Variants in ADAMTS20 observed in about 807,000 individuals in gnomAD.
ADAMTS20 encodes A disintegrin and metalloproteinase with thrombospondin motifs 20.
A neutral mutation model predicts 260.1 loss-of-function variants in ADAMTS20; 225 were observed. That is an observed-to-expected ratio of 0.87 (90% CI 0.78 to 0.97). The LOEUF (loss-of-function observed/expected upper bound fraction) is 0.97. Among genes scored for constraint, ADAMTS20 ranks in the 50% least tolerant of loss-of-function variants. The pLI is 0.00. For missense variants in ADAMTS20, 2,400 were observed against 2,337.7 expected (o/e 1.03, Z -0.55); for synonymous variants, 802 against 769.5 (o/e 1.04, Z -0.70).
chr12:43,537,633 C>T (rs746784430), intron 2 of ADAMTS20, among the ~76,000 whole-genome samples: 6 of 152,052 alleles, frequency 3.9e-5, no homozygotes, highest in African/African-American at 7.2e-5. Flanking sequence ...TTTTTATACT[C>T]ATTAACCATC....
chr12:43,367,320 A>C (rs552436774), intron 37 of ADAMTS20, among the ~76,000 whole-genome samples: 1 of 152,112 alleles, frequency 6.6e-6, no homozygotes, highest in African/African-American at 2.4e-5. Flanking sequence ...CAAATTTAGC[A>C]ATATATGAAA....
chr12:43,392,576 A>G (rs1940618252), intron 29 of ADAMTS20, among the ~76,000 whole-genome samples: 1 of 152,106 alleles, frequency 6.6e-6, no homozygotes, highest in Admixed American at 6.5e-5. Context: ...AAAAGCATAA[A>G]TCAGTATGGT....
intron 2 of ADAMTS20, among the ~76,000 whole-genome samples, chr12:43,548,759 T>C (rs1420428205): frequency 1.3e-5 from 2 of 152,110 alleles, no homozygotes; most frequent in East Asian, 3.9e-4. Flanking sequence ...ATTTCCAATG[T>C]TACTGGAAAA....
intron 2 of ADAMTS20, 97 bp from the exon 3 acceptor site, chr12:43,532,292 C>G (rs1044544577): frequency 2.7e-5 from 29 of 1,077,798 alleles, no homozygotes; most frequent in Non-Finnish European, 3.5e-5. Context: ...AGAAGCAAAA[C>G]AGCAAGGAGT....
intron 11 of ADAMTS20, among the ~76,000 whole-genome samples, chr12:43,456,284 A>G (rs898800988): frequency 6.6e-6 from 1 of 152,214 alleles, no homozygotes; most frequent in South Asian, 2.1e-4. Context: ...CACTACAGAT[A>G]ATTCACAAAG....
chr12:43,488,744 C>A (rs1211323918), intron 7 of ADAMTS20, among the ~76,000 whole-genome samples: 1 of 152,040 alleles, frequency 6.6e-6, no homozygotes, highest in Non-Finnish European at 1.5e-5. Context: ...CCTACTCTTG[C>A]AAATTTACAA....
In ADAMTS20 at chr12:43,454,002, TA is replaced by T; in HGVS notation, c.1664del (p.Val555GlufsTer46). 3 of 1,613,808 alleles carry T rather than the reference TA, an allele frequency of 1.9e-6. No individual in the cohort carries two copies. Among genetic ancestry groups the T allele is most frequent in the Non-Finnish European group, 2.5e-6 (3 of 1,179,804 alleles). On this transcript the variant is annotated frameshift_variant, in exon 12 of 39. Transcript: ENST00000389420. LOFTEE classifies it high-confidence loss of function. Reference sequence around the variant, plus strand: ...GTTCCCATGGTCCCCATTCACCATTTACAGGACGTGTTTCCGTTTCTTTGTT... The same window carrying T: ...GTTCCCATGGTCCCCATTCACCATTTCAGGACGTGTTTCCGTTTCTTTGTT... ...CVNKETETRPVNGEWGPWEPY... is the reference protein window; with the variant it reads ...CVNKETETRPXNGEWGPWEPY...
At chr12:43,506,825 T>G (rs1040068422) in intron 3 of ADAMTS20, among the ~76,000 whole-genome samples, 1 of 151,682 alleles carries the variant, frequency 6.6e-6, no homozygotes, top group African/African-American at 2.4e-5. Context: ...TTTCAAAGAA[T>G]GTTTATAGCA....
intron 26 of ADAMTS20, among the ~76,000 whole-genome samples, chr12:43,427,710 T>C (rs1484665329): frequency 6.6e-6 from 1 of 152,216 alleles, no homozygotes; most frequent in African/African-American, 2.4e-5. Flanking sequence ...GAAACAATTT[T>C]CATTTCTATC....
chr12:43,477,763 T>C (rs1942381910), intron 7 of ADAMTS20, among the ~76,000 whole-genome samples: 2 of 152,148 alleles, frequency 1.3e-5, no homozygotes, highest in African/African-American at 4.8e-5. Context: ...TAAGGATAGA[T>C]GCTATTCTGA....
At chr12:43,521,470 A>C (rs1397206051) in intron 3 of ADAMTS20, among the ~76,000 whole-genome samples, 1 of 152,198 alleles carries the variant, frequency 6.6e-6, no homozygotes, top group Admixed American at 6.5e-5. Flanking sequence ...TGTTTTCAGG[A>C]AATTCTCTTC....
chr12:43,440,066 A>T lies in ADAMTS20; in HGVS notation c.2294T>A (p.Leu765Ter). ...AAGAAAATTCCCTTCAGCGTCAGAT[A>T]ATGCTGTAAAAGAATAAAGCATAAC... ...SGQPDDSYLA[L>*]SDAEGNFLFN... Residue 765 changes from leucine to a stop codon, truncating the protein, a stop_gained, in exon 17 of 39, where the codon TTA (leucine) becomes TAA (stop). Coordinates refer to ENST00000389420, the MANE Select transcript of ADAMTS20 (RefSeq NM_025003.5). LOFTEE classifies it high-confidence loss of function. 1 of 1,551,406 alleles carries T rather than the reference A, an allele frequency of 6.4e-7. No individual in the cohort carries two copies. The highest frequency in any genetic ancestry group is 2.4e-5 in the East Asian group (1 of 41,764).
At chr12:43,468,019 T>C (rs1406646024) in intron 8 of ADAMTS20, among the ~76,000 whole-genome samples, 1 of 152,136 alleles carries the variant, frequency 6.6e-6, no homozygotes, top group Non-Finnish European at 1.5e-5. Flanking sequence ...AAGGGTATCA[T>C]GAGAAATCAC....
chr12:43,449,551 G>A lies in ADAMTS20; in HGVS notation c.2079+2723C>T, dbSNP rs1234752961. On this transcript the variant is annotated intron_variant, in intron 14 of 38. Coordinates refer to ENST00000389420, the MANE Select transcript of ADAMTS20 (RefSeq NM_025003.5). ...TATTGGATACTAGGCTTAGTATCTG[G>A]ATGATGAAATAATCTGTACAACAAA... is the stretch of plus-strand genomic sequence containing the variant. Among the ~76,000 whole-genome samples, 13 of 152,102 alleles carry A rather than the reference G, an allele frequency of 8.5e-5. No individual in the cohort carries two copies. In the East Asian group the frequency reaches 1.7e-3, roughly 20 times the overall value.
At position 43,501,481 on chromosome 12, in the gene ADAMTS20, G is replaced by GCGCGCACACACACACACA. The variant is rs373746834; in HGVS notation, c.867+670_867+671insTGTGTGTGTGTGTGCGCG. ...GGGATACGCGCGCGCGCGCGCGCGC[G>GCGCGCACACACACACACA]CACACACACACACACACACACATGT... On this transcript the variant is annotated intron_variant, in intron 4 of 38. Transcript: ENST00000389420. Among the ~76,000 whole-genome samples the GCGCGCACACACACACACA allele has an allele frequency of 1.1e-3, 134 of 117,828 alleles. 1 individual carries two copies. The highest frequency in any genetic ancestry group is 5.2e-3 in the Middle Eastern group (1 of 192). 77.3% of individuals were successfully genotyped at this position (117,828 alleles called of 152,430 possible). A position where few individuals can be genotyped will look rare whatever the true frequency, so the allele number is the denominator to read the frequency against.
chr12:43,370,341 T>C (rs1436022842), intron 36 of ADAMTS20, among the ~76,000 whole-genome samples: 5 of 152,220 alleles, frequency 3.3e-5, no homozygotes, highest in Non-Finnish European at 7.3e-5. Context: ...TAGCTCATGA[T>C]TGGTCAGGGT....
At chr12:43,540,831 T>A (rs188526976) in intron 2 of ADAMTS20, among the ~76,000 whole-genome samples, 1 of 152,328 alleles carries the variant, frequency 6.6e-6, no homozygotes, top group South Asian at 2.1e-4. Flanking sequence ...GATTACTTGA[T>A]GATCTTCTAT....
chr12:43,524,303 C>T (rs1943112473), intron 3 of ADAMTS20, among the ~76,000 whole-genome samples: 1 of 133,796 alleles, frequency 7.5e-6, no homozygotes, highest in South Asian at 2.6e-4. Context: ...CTACAGTAAA[C>T]TGTAAACATT....
At chr12:43,453,122 G>C (rs915663465) in intron 12 of ADAMTS20, among the ~76,000 whole-genome samples, 1 of 152,102 alleles carries the variant, frequency 6.6e-6, no homozygotes, top group African/African-American at 2.4e-5. Context: ...AATTCAAGGA[G>C]TTTTATGGTA....
Sources: allele counts gnomAD v4.1 joint callset (sites outside exome capture counted in the v4.1 genomes callset), GRCh38; gene constraint gnomAD v4.1.1; transcripts MANE v1.5; gene names NCBI Gene and HGNC (gene_info 2026-07-23, HGNC 2026-07-21).